The following NAV1 variants were observed in gnomAD, a reference collection of about 807,000 sequenced individuals.
NAV1 encodes the protein neuron navigator 1.
A neutral mutation model predicts 175.2 loss-of-function variants in NAV1; 18 were observed. The ratio of observed to expected loss-of-function variants is 0.10; its 90% confidence interval spans 0.07 to 0.15. NAV1 has a LOEUF of 0.15. Among genes scored for constraint, NAV1 ranks in the 10% least tolerant of loss-of-function variants. The probability of loss-of-function intolerance (pLI) is 1.00; values close to 1 mark genes in which losing one functional copy is unlikely to be tolerated. For synonymous variants in NAV1, 897 were observed against 978.7 expected (o/e 0.92, Z 1.56); for missense variants, 1,731 against 2,436.6 (o/e 0.71, Z 6.10).
At chr1:201,566,276 C>G (rs372894171) in intron 1 of NAV1, among the ~76,000 whole-genome samples, 140 of 152,288 alleles carry the variant, frequency 9.2e-4, no homozygotes, top group African/African-American at 3.3e-3. Context: ...CAGCCACACC[C>G]CAGCTCACTT....
At chr1:201,584,574 A>T (rs1243217984) in intron 1 of NAV1, among the ~76,000 whole-genome samples, 1 of 152,196 alleles carries the variant, frequency 6.6e-6, no homozygotes, top group Non-Finnish European at 1.5e-5. Context: ...GAGATGGAAT[A>T]CAGCTGCTAT....
intron 3 of NAV1, among the ~76,000 whole-genome samples, chr1:201,741,097 C>G (rs941818696): frequency 6.6e-6 from 1 of 152,148 alleles, no homozygotes; most frequent in African/African-American, 2.4e-5. Flanking sequence ...CTCCTGCGTC[C>G]TCATATTGCT....
chr1:201,551,182 A>G (rs914488432), intron 1 of NAV1, among the ~76,000 whole-genome samples: 2 of 152,088 alleles, frequency 1.3e-5, no homozygotes, highest in Non-Finnish European at 2.9e-5. Context: ...GTCCTTTCCA[A>G]TACACTCCAG....
At position 201,817,350 on chromosome 1, in the gene NAV1, G is replaced by A. The variant is rs1001468677; in HGVS notation, c.5538+65G>A. 27 of 1,480,822 alleles carry A rather than the reference G, an allele frequency of 1.8e-5. No homozygotes were observed. In the African/African-American group the frequency reaches 3.2e-4, roughly 17 times the overall value. The allele number at this position is 1,480,822 out of a possible 1,614,324, so 91.7% of individuals were successfully genotyped here. On this transcript the variant is annotated intron_variant, in intron 29 of 29. Coordinates refer to ENST00000367296, the Ensembl canonical transcript of NAV1. ...TAGAACTGAATTATTGACCAGCAGG[G>A]TGGCTCACACCTGTAATCCCAGCAC...
Position 201,803,729 on chromosome 1 carries a change from G to C in NAV1, c.3639+15G>C, listed in dbSNP as rs201074198. 1.4e-6 allele frequency: 2 copies of C among 1,463,908 alleles called. No individual in the cohort carries two copies. Among genetic ancestry groups the C allele is most frequent in the Non-Finnish European group, 1.8e-6 (2 of 1,110,522 alleles). 90.7% of individuals were successfully genotyped at this position (1,463,908 alleles called of 1,614,324 possible). A position where few individuals can be genotyped will look rare whatever the true frequency, so the allele number is the denominator to read the frequency against. On this transcript the variant is annotated intron_variant, in intron 16 of 29. Transcript: ENST00000367296. ...AAAAGAGTTGGGTAGGTAAAGGTTT[G>C]GGGGGTGGGAAGTAGGTAGAACCGT...
intron 1 of NAV1, among the ~76,000 whole-genome samples, chr1:201,546,812 G>A (rs1171709219): frequency 6.6e-6 from 1 of 150,630 alleles, no homozygotes; most frequent in Admixed American, 6.6e-5. Flanking sequence ...GCTGAGGCAG[G>A]AGAATCACTT....
intron 1 of NAV1, among the ~76,000 whole-genome samples, chr1:201,550,537 A>T (rs1277121541): frequency 6.6e-6 from 1 of 152,244 alleles, no homozygotes; most frequent in East Asian, 1.9e-4. Context: ...TAAATTGGCT[A>T]TTTCTTGGTA....
chr1:201,679,065 T>C (rs1474783710), intron 1 of NAV1, among the ~76,000 whole-genome samples: 1 of 152,056 alleles, frequency 6.6e-6, no homozygotes, highest in Non-Finnish European at 1.5e-5. Context: ...GAGACAGCAA[T>C]GTGCAGGAGT....
chr1:201,546,126 G>A (rs984001668), intron 1 of NAV1, among the ~76,000 whole-genome samples: 3 of 152,202 alleles, frequency 2.0e-5, no homozygotes, highest in Non-Finnish European at 4.4e-5. Context: ...GGACCCATAC[G>A]AAGCAGCTGC....
chr1:201,556,278 C>T (rs1253304940), intron 1 of NAV1, among the ~76,000 whole-genome samples: 1 of 151,972 alleles, frequency 6.6e-6, no homozygotes, highest in Non-Finnish European at 1.5e-5. Flanking sequence ...ATTAGTCGGG[C>T]ATGGTGGTGG....
intron 17 of NAV1, among the ~76,000 whole-genome samples, chr1:201,805,259 T>C (rs1678202802): frequency 1.3e-5 from 2 of 152,176 alleles, no homozygotes; most frequent in Non-Finnish European, 2.9e-5. Flanking sequence ...AAAAAAATTA[T>C]ACATATAAAA....
chr1:201,810,986 C>T lies in NAV1; in HGVS notation c.4797+228C>T, dbSNP rs555800334. Among the ~76,000 whole-genome samples, 4 of 152,236 alleles carry T rather than the reference C, an allele frequency of 2.6e-5. No individual in the cohort carries two copies. The South Asian group carries it at 8.3e-4, about 32-fold the overall frequency. On this transcript the variant is annotated intron_variant, in intron 24 of 29. Transcript: ENST00000367296. The surrounding 1 kb of genome is among the most constrained non-coding windows in gnomAD (Gnocchi z 6.0). ...CTCTTGCCTTTAACTTGTTTCTCCA[C>T]ACTTTCCCTTGCCTTTATGGAGAAA...
intron 10 of NAV1, among the ~76,000 whole-genome samples, chr1:201,789,344 G>C (rs1216783879): frequency 6.6e-6 from 1 of 152,144 alleles, no homozygotes; most frequent in Non-Finnish European, 1.5e-5. Flanking sequence ...GAGAGGAGGA[G>C]GCGCGGGCAG....
chr1:201,710,214 CT>C (rs1441574376), intron 1 of NAV1, among the ~76,000 whole-genome samples: 16 of 148,720 alleles, frequency 1.1e-4, no homozygotes, highest in African/African-American at 3.7e-4. Flanking sequence ...TATCCCTTTA[CT>C]TTTTTTCATG....
rs574903287 is a variant in NAV1 at position 201,565,479 on chromosome 1, G to C, written c.-143-23060G>C. On this transcript the variant is annotated intron_variant, in intron 1 of 33. Transcript: ENST00000685211. ...CAAAGTTTCCCTTGTGCTATGTGAG[G>C]GCGGCTGCCAGCAGCGGGCATGGGG... is the stretch of plus-strand genomic sequence containing the variant. Among the ~76,000 whole-genome samples, 498 of 152,332 alleles carry C rather than the reference G, an allele frequency of 3.3e-3. 1 individual carries two copies. The highest frequency in any genetic ancestry group is 0.011 in the African/African-American group (446 of 41,572).
chr1:201,809,111 A>G (rs1678519512), intron 20 of NAV1, 53 bp from the exon 25 acceptor site: 2 of 1,553,868 alleles, frequency 1.3e-6, no homozygotes, highest in Admixed American at 3.4e-5. Context: ...GGGAAAGTTT[A>G]GGAAAGGCTG....
At chr1:201,804,766 C>A (rs898310525) in intron 17 of NAV1, among the ~76,000 whole-genome samples, 1 of 152,114 alleles carries the variant, frequency 6.6e-6, no homozygotes, top group Non-Finnish European at 1.5e-5. Context: ...CTACTATCTT[C>A]CCCTGTTACA....
intron 29 of NAV1, among the ~76,000 whole-genome samples, chr1:201,817,507 C>T (rs1431660513): frequency 6.6e-6 from 1 of 152,104 alleles, no homozygotes; most frequent in Non-Finnish European, 1.5e-5. Context: ...ACTTTTCATA[C>T]ATACACTGAT....
chr1:201,633,953 G>T (rs679352), intron 2 of NAV1, among the ~76,000 whole-genome samples: 78,312 of 151,932 alleles, frequency 0.52, 20,791 homozygotes, highest in Non-Finnish European at 0.58. Flanking sequence ...AACTGGGACG[G>T]GAGGTCATAA....
Sources: gnomAD v4.1 joint callset for allele counts (sites outside exome capture counted in the v4.1 genomes callset) on GRCh38, gnomAD v4.1.1 for gene constraint, Gnocchi (gnomAD v3.1) non-coding constraint, MANE v1.5 for transcripts, NCBI Gene and HGNC (gene_info 2026-07-23, HGNC 2026-07-21) for gene names.